The following GLYATL1 variants were observed in gnomAD, a reference collection of about 807,000 sequenced individuals.
GLYATL1 encodes the protein glycine-N-acyltransferase like 1, also known as glycine N-acyltransferase-like protein 1.
A neutral mutation model predicts 20.0 loss-of-function variants in GLYATL1; 15 were observed. That is an observed-to-expected ratio of 0.75 (90% CI 0.50 to 1.15). The LOEUF (loss-of-function observed/expected upper bound fraction) is 1.15. GLYATL1 is among the 50% of genes most tolerant of loss of function. The pLI, the probability that GLYATL1 is intolerant of heterozygous loss-of-function variation, is 0.00. For missense variants in GLYATL1, 380 were observed against 368.5 expected (o/e 1.03, Z -0.26); for synonymous variants, 151 against 131.5 (o/e 1.15, Z -1.01).
chr11:58,910,203 T>C (rs796507922), downstream of GLYATL1, among the ~76,000 whole-genome samples: 1 of 152,134 alleles, frequency 6.6e-6, no homozygotes, highest in Non-Finnish European at 1.5e-5. Flanking sequence ...TTCTGGAAAA[T>C]AGCTGCAGTA....
chr11:58,955,043 A>T, intron 5 of GLYATL1, 133 bp from the exon 6 acceptor site: 2 of 1,218,814 alleles, frequency 1.6e-6, no homozygotes, highest in Non-Finnish European at 2.3e-6. Flanking sequence ...CTGTGGTGTG[A>T]CAAGGACTCC....
At chr11:58,946,973 A>G (rs1856609066) in intron 2 of GLYATL1, 73 bp from the exon 3 acceptor site, 2 of 1,037,056 alleles carry the variant, frequency 1.9e-6, no homozygotes, top group Non-Finnish European at 3.1e-6. Context: ...TGTTACTTGA[A>G]TGGAGATGTA....
rs187602101 is a variant in GLYATL1, at chr11:58,952,381, G to A, written c.187-2389G>A. Among the ~76,000 whole-genome samples, 78 of 151,930 alleles carry A rather than the reference G, an allele frequency of 5.1e-4. No individual in the cohort carries two copies. The Middle Eastern group carries it at 0.024, about 46-fold the overall frequency. ...ACTGAATATTTTATTCATAATTTTT[G>A]TATCTGCATGCATAAGGGAATGTTG... On this transcript the variant is annotated intron_variant, in intron 4 of 6. Coordinates refer to ENST00000532726, the MANE Select transcript of GLYATL1 (RefSeq NM_001389712.2).
exon 2 of GLYATL1, chr11:58,907,806 T>A (rs1015946278): frequency 1.1e-5 from 2 of 180,422 alleles, no homozygotes; most frequent in Admixed American, 5.5e-5. Flanking sequence ...CATTTCATAC[T>A]TTCAAAGCTT....
At chr11:58,916,878 A>AC (rs796322472) in intron 1 of GLYATL1, 2 of 152,392 alleles carry the variant, frequency 1.3e-5, no homozygotes, top group African/African-American at 4.8e-5. Context: ...GCTCGAGAGC[A>AC]CTGGTTGCAG....
At chr11:58,955,386 C>A in intron 6 of GLYATL1, 33 bp downstream of exon 6, 1 of 1,569,190 alleles carries the variant, frequency 6.4e-7, no homozygotes, top group Non-Finnish European at 8.7e-7. Flanking sequence ...TTTATAATTG[C>A]GATTCCTTGT....
At chr11:58,943,072 A>G (rs1363268528) in intron 1 of GLYATL1, among the ~76,000 whole-genome samples, 1 of 152,240 alleles carries the variant, frequency 6.6e-6, no homozygotes, top group Non-Finnish European at 1.5e-5. Flanking sequence ...TGGAGATAGC[A>G]TGTATAGACA....
At chr11:58,928,861 C>T (rs896597941) in intron 1 of GLYATL1, among the ~76,000 whole-genome samples, 2 of 152,120 alleles carry the variant, frequency 1.3e-5, no homozygotes, top group African/African-American at 4.8e-5. Context: ...GGGGCAATAT[C>T]CTTGGTCAAA....
intron 1 of GLYATL1, among the ~76,000 whole-genome samples, chr11:58,930,083 G>T (rs959033778): frequency 1.5e-4 from 23 of 150,586 alleles, no homozygotes; most frequent in African/African-American, 5.4e-4. Flanking sequence ...CAGAGTAGAA[G>T]CTCAGGATGC....
chr11:58,945,243 G>A (rs1186709349), intron 2 of GLYATL1, among the ~76,000 whole-genome samples: 2 of 151,996 alleles, frequency 1.3e-5, no homozygotes, highest in Admixed American at 1.3e-4. Context: ...CCTTTACAAC[G>A]ATTTTTTTAA....
At chr11:58,940,999 G>T (rs150910502) in intron 1 of GLYATL1, among the ~76,000 whole-genome samples, 2 of 152,088 alleles carry the variant, frequency 1.3e-5, no homozygotes, top group African/African-American at 4.8e-5. Context: ...TGACAATGGG[G>T]CACAGAAGCA....
chr11:58,914,153 G>A (rs1855113182), intron 1 of GLYATL1, among the ~76,000 whole-genome samples: 1 of 152,196 alleles, frequency 6.6e-6, no homozygotes, highest in Non-Finnish European at 1.5e-5. Context: ...GGAAGGTTCT[G>A]TGCTGTTCCA....
chr11:58,914,934 G>T (rs1855135894), intron 1 of GLYATL1, among the ~76,000 whole-genome samples: 1 of 152,174 alleles, frequency 6.6e-6, no homozygotes, highest in Admixed American at 6.5e-5. Flanking sequence ...CAGTGGATGT[G>T]GTCAATTCCA....
intron 1 of GLYATL1, among the ~76,000 whole-genome samples, chr11:58,917,962 T>TTCTC (rs1378553650): frequency 2.6e-5 from 4 of 152,166 alleles, no homozygotes; most frequent in Non-Finnish European, 5.9e-5. Flanking sequence ...TAAATTTTAT[T>TTCTC]TTTCTTTCTT....
chr11:58,939,474 G>A (rs1269079230), upstream of GLYATL1: 2 of 152,326 alleles, frequency 1.3e-5, no homozygotes, highest in African/African-American at 4.8e-5. Context: ...TTCCCGACCA[G>A]GAACACTTTG....
chr11:58,906,556 G>A (rs1854892208), intron 1 of GLYATL1, among the ~76,000 whole-genome samples: 1 of 152,130 alleles, frequency 6.6e-6, no homozygotes, highest in South Asian at 2.1e-4. Flanking sequence ...AAGAGGTGGG[G>A]CTTTCCAGGA....
At position 58,954,785 on chromosome 11, in the gene GLYATL1, A is replaced by G. The variant is rs774569990; in HGVS notation, c.202A>G (p.Met68Val). The part of the protein sequence containing the change: ...RPQKQEMTDD[M>V]DSYTNVYRMF... The stretch of plus-strand genomic sequence containing the variant: ...TCCAATACAGGAGATGACTGATGAC[A>G]TGGATTCATACACAAACGTATATCG... The change falls in exon 5 of 7, where the codon ATG becomes GTG. Residue 68 changes from methionine (M) to valine (V), a missense_variant. By Grantham distance (21) the Met-to-Val change is conservative. Transcript: ENST00000532726. 2 of 1,606,046 alleles carry G rather than the reference A, an allele frequency of 1.2e-6. No homozygotes were observed. Among genetic ancestry groups the G allele is most frequent in the East Asian group, 2.2e-5 (1 of 44,842 alleles).
upstream of GLYATL1, among the ~76,000 whole-genome samples, chr11:58,925,081 G>GT (rs1855396781): frequency 6.6e-6 from 1 of 151,976 alleles, no homozygotes; most frequent in Non-Finnish European, 1.5e-5. Context: ...GCTGGCTTGA[G>GT]TTTTTTTTCT....
At chr11:58,953,163 TCTA>T (rs1857115302) in intron 4 of GLYATL1, among the ~76,000 whole-genome samples, 1 of 152,238 alleles carries the variant, frequency 6.6e-6, no homozygotes, top group Non-Finnish European at 1.5e-5. Context: ...ATAACTCTTG[TCTA>T]CTTTTTAAAA....
Sources: allele counts gnomAD v4.1 joint callset (sites outside exome capture counted in the v4.1 genomes callset), GRCh38; gene constraint gnomAD v4.1.1; transcripts MANE v1.5; gene names NCBI Gene and HGNC (gene_info 2026-07-23, HGNC 2026-07-21).